RPS6KC1: variants seen among roughly 807,000 people sequenced by gnomAD.
RPS6KC1 encodes the protein inactive ribosomal protein S6 kinase delta-1.
A neutral mutation model predicts 103.8 loss-of-function variants in RPS6KC1; 54 were observed. That is an observed-to-expected ratio of 0.52 (90% CI 0.42 to 0.65). The LOEUF is 0.65. Ranked by LOEUF, RPS6KC1 falls within the 30% of genes least tolerant of loss-of-function variation. The pLI is 0.00. For missense variants in RPS6KC1, 1,151 were observed against 1,253.8 expected (o/e 0.92, Z 1.24); for synonymous variants, 439 against 438.7 (o/e 1.00, Z -0.01).
intron 7 of RPS6KC1, 72 bp downstream of exon 7, chr1:213,168,045 A>C (rs1319605908): frequency 2.2e-6 from 2 of 889,340 alleles, no homozygotes. Flanking sequence ...TTTATTTCTA[A>C]TTAGAATGTT....
At chr1:213,290,530 C>CTCCACATTGATTT in the RPS6KC1 span, among the ~76,000 whole-genome samples, 10 of 152,244 alleles carry the variant, frequency 6.6e-5, no homozygotes, top group Admixed American at 3.3e-4. Context: ...CTGCTTCTGA[C>CTCCACATTGATTT]TCCAGCCCTT....
chr1:213,717,172 A>G, the RPS6KC1 span, among the ~76,000 whole-genome samples: 1 of 152,228 alleles, frequency 6.6e-6, no homozygotes, highest in African/African-American at 2.4e-5. Flanking sequence ...TATGAAAATG[A>G]AAAAGGCATA....
the RPS6KC1 span, among the ~76,000 whole-genome samples, chr1:213,848,126 T>G: frequency 2.0e-5 from 3 of 152,184 alleles, no homozygotes; most frequent in Non-Finnish European, 4.4e-5. Flanking sequence ...CAGAAAATAA[T>G]AATTTTTAAC....
chr1:213,319,916 T>C, the RPS6KC1 span, among the ~76,000 whole-genome samples: 1,919 of 152,306 alleles, frequency 0.013, 47 homozygotes, highest in African/African-American at 0.042. Flanking sequence ...TTGGGGGCAG[T>C]GTATAGCCAA....
chr1:213,725,606 A>T, the RPS6KC1 span, among the ~76,000 whole-genome samples: 95 of 152,304 alleles, frequency 6.2e-4, 1 homozygote, highest in East Asian at 0.018. Context: ...TTCAAAGTAA[A>T]TCTTTGCTTT....
Position 213,241,589 on chromosome 1 carries a change from G to T in RPS6KC1, c.2113G>T (p.Ala705Ser). ...TGGTGAATTGGAGTCAACAAGAGAAGCTGCAGCAATGGGACCTACTAAGTT... is the reference window on the plus strand; with the variant it reads ...TGGTGAATTGGAGTCAACAAGAGAATCTGCAGCAATGGGACCTACTAAGTT... ...LPGELESTRE[A>S]AAMGPTKFTQ... is the part of the protein sequence containing the mutation. The change falls in exon 11 of 15, where the codon GCT becomes TCT. Residue 705 changes from alanine to serine, a missense_variant. Ala to Ser is a moderately conservative substitution (Grantham distance 99). Coordinates refer to ENST00000366960, the MANE Select transcript of RPS6KC1 (RefSeq NM_012424.6). The T allele has an allele frequency of 6.2e-7, 1 of 1,613,934 alleles. No homozygotes were observed. The highest frequency in any genetic ancestry group is 1.3e-5 in the African/African-American group (1 of 75,014).
chr1:213,779,851 T>A, the RPS6KC1 span, among the ~76,000 whole-genome samples: 1 of 152,204 alleles, frequency 6.6e-6, no homozygotes, highest in Non-Finnish European at 1.5e-5. Flanking sequence ...TATAGAGGTA[T>A]CAGATCACCT....
chr1:213,213,875 T>G (rs2093584620), intron 8 of RPS6KC1, among the ~76,000 whole-genome samples: 1 of 152,184 alleles, frequency 6.6e-6, no homozygotes, highest in Non-Finnish European at 1.5e-5. Flanking sequence ...CTATGATTTT[T>G]AAAAAACCAT....
At chr1:213,750,436 G>T in the RPS6KC1 span, among the ~76,000 whole-genome samples, 1 of 152,202 alleles carries the variant, frequency 6.6e-6, no homozygotes, top group Non-Finnish European at 1.5e-5. Context: ...TTGGCAAGGA[G>T]GCTACAGTTT....
intron 14 of RPS6KC1, among the ~76,000 whole-genome samples, chr1:213,269,822 TGAG>T (rs1354674085): frequency 6.6e-6 from 1 of 151,694 alleles, no homozygotes; most frequent in African/African-American, 2.4e-5. Context: ...GGCTGAGGTG[TGAG>T]GATCACTTGA....
the RPS6KC1 span, among the ~76,000 whole-genome samples, chr1:213,798,601 C>T: frequency 1.3e-5 from 2 of 152,182 alleles, no homozygotes; most frequent in African/African-American, 2.4e-5. Flanking sequence ...CTCCCACTTA[C>T]GTGCCCAGTG....
At chr1:213,186,926 C>T (rs1471823904) in intron 8 of RPS6KC1, among the ~76,000 whole-genome samples, 1 of 152,100 alleles carries the variant, frequency 6.6e-6, no homozygotes, top group African/African-American at 2.4e-5. Context: ...TTTTGTTTTT[C>T]AGACAGCGTC....
chr1:213,826,882 A>G, the RPS6KC1 span, among the ~76,000 whole-genome samples: 1 of 152,320 alleles, frequency 6.6e-6, no homozygotes, highest in East Asian at 1.9e-4. Flanking sequence ...AGATTTCACG[A>G]CAGGATTTTG....
chr1:213,081,816 G>T (rs980900123), intron 3 of RPS6KC1, among the ~76,000 whole-genome samples: 6 of 152,090 alleles, frequency 3.9e-5, no homozygotes, highest in African/African-American at 1.2e-4. Flanking sequence ...ACAGCCATGT[G>T]AATGAACTTA....
the RPS6KC1 span, among the ~76,000 whole-genome samples, chr1:213,709,214 G>T: frequency 6.6e-6 from 1 of 152,132 alleles, no homozygotes; most frequent in African/African-American, 2.4e-5. Context: ...ATTAACTACT[G>T]CCTCAATTTC....
chr1:213,302,164 C>T, the RPS6KC1 span, among the ~76,000 whole-genome samples: 1 of 152,248 alleles, frequency 6.6e-6, no homozygotes, highest in Non-Finnish European at 1.5e-5. Flanking sequence ...AACCCAATCT[C>T]TGAGTGCTTC....
the RPS6KC1 span, among the ~76,000 whole-genome samples, chr1:213,752,821 T>C: frequency 5.3e-5 from 8 of 152,268 alleles, no homozygotes; most frequent in East Asian, 1.5e-3. Context: ...TTCTCTCAGG[T>C]CTTCCACCTC....
chr1:213,777,179 T>C, the RPS6KC1 span, among the ~76,000 whole-genome samples: 1 of 152,350 alleles, frequency 6.6e-6, no homozygotes, highest in Admixed American at 6.5e-5. Context: ...AAGAACTTTT[T>C]CTTCACATTC....
the RPS6KC1 span, among the ~76,000 whole-genome samples, chr1:213,617,080 A>G: frequency 0.012 from 1,752 of 152,220 alleles, 27 homozygotes; most frequent in African/African-American, 0.038. Flanking sequence ...AACTTTTGTT[A>G]TTTTACTACT....
Sources: allele counts gnomAD v4.1 joint callset (sites outside exome capture counted in the v4.1 genomes callset), GRCh38; gene constraint gnomAD v4.1.1; transcripts MANE v1.5; gene names NCBI Gene and HGNC (gene_info 2026-07-23, HGNC 2026-07-21).